EXOC4: variants seen among roughly 807,000 people sequenced by gnomAD.
EXOC4 encodes the protein SEC8-like 1.
A neutral mutation model predicts 107.2 loss-of-function variants in EXOC4; 71 were observed. That is an observed-to-expected ratio of 0.66 (90% CI 0.55 to 0.81). The LOEUF is 0.81. EXOC4 is among the 30% of genes least tolerant of loss of function. The pLI, the probability that EXOC4 is intolerant of heterozygous loss-of-function variation, is 0.00. For synonymous variants in EXOC4, 456 were observed against 441.2 expected, an observed-to-expected ratio of 1.03 and a Z score of -0.42; for missense variants, 1,108 against 1,189.6, an observed-to-expected ratio of 0.93 and a Z score of 1.01.
At chr7:133,551,030 G>C (rs1800577882) in intron 9 of EXOC4, among the ~76,000 whole-genome samples, 1 of 151,992 alleles carries the variant, frequency 6.6e-6, no homozygotes, top group Non-Finnish European at 1.5e-5. Context: ...CCACCTTCCT[G>C]ACAGCCTGTC....
chr7:133,509,289 G>A (rs1261500172), intron 9 of EXOC4, among the ~76,000 whole-genome samples: 3 of 151,996 alleles, frequency 2.0e-5, no homozygotes, highest in African/African-American at 7.2e-5. Context: ...TTAGCCGGGC[G>A]TGGTGGCGGG....
intron 13 of EXOC4, 88 bp from the exon 14 acceptor site, chr7:133,937,803 C>A: frequency 7.8e-7 from 1 of 1,281,430 alleles, no homozygotes; most frequent in Non-Finnish European, 1.1e-6. Context: ...CATGTCAGTC[C>A]TTGTGCTAGG....
intron 14 of EXOC4, among the ~76,000 whole-genome samples, chr7:133,961,889 G>C (rs1800953549): frequency 6.6e-6 from 1 of 152,196 alleles, no homozygotes; most frequent in South Asian, 2.1e-4. Flanking sequence ...AGCAGGCTGT[G>C]GTCTATGCAC....
intron 9 of EXOC4, among the ~76,000 whole-genome samples, chr7:133,546,778 G>T (rs1251436108): frequency 6.6e-6 from 1 of 151,898 alleles, no homozygotes; most frequent in African/African-American, 2.4e-5. Context: ...CTCTGCTCTG[G>T]TATAAAACTT....
intron 10 of EXOC4, among the ~76,000 whole-genome samples, chr7:133,705,465 A>C (rs952277310): frequency 6.6e-6 from 1 of 152,232 alleles, no homozygotes; most frequent in Non-Finnish European, 1.5e-5. Flanking sequence ...TAGAAACTAT[A>C]GTTACTAAAC....
At chr7:133,769,724 C>T (rs571233671) in intron 10 of EXOC4, among the ~76,000 whole-genome samples, 10 of 151,970 alleles carry the variant, frequency 6.6e-5, no homozygotes, top group Non-Finnish European at 1.5e-4. Context: ...CAAAGCAAAT[C>T]TAAAACAGTT....
intron 9 of EXOC4, among the ~76,000 whole-genome samples, chr7:133,508,741 G>C (rs1799712168): frequency 6.6e-6 from 1 of 152,158 alleles, no homozygotes; most frequent in South Asian, 2.1e-4. Context: ...TAAAACTAGA[G>C]ATGGGAAAGT....
chr7:133,261,372 T>A (rs2150506282), intron 1 of EXOC4, among the ~76,000 whole-genome samples: 1 of 151,996 alleles, frequency 6.6e-6, no homozygotes, highest in South Asian at 2.1e-4. Context: ...GCTCAGGTGA[T>A]CCTCCCCACT....
At chr7:133,492,949 TGGGGACTAGTTAGA>T (rs1799401646) in intron 9 of EXOC4, among the ~76,000 whole-genome samples, 1 of 106,230 alleles carries the variant, frequency 9.4e-6, no homozygotes, top group South Asian at 3.9e-4. Flanking sequence ...CAGCAGAGTC[TGGGGACTAGTTAGA>T]GGTTCGGAGT....
At chr7:133,725,287 G>A (rs572123465) in intron 10 of EXOC4, among the ~76,000 whole-genome samples, 34 of 152,296 alleles carry the variant, frequency 2.2e-4, no homozygotes, top group African/African-American at 8.2e-4. Context: ...GCAGGGAGAA[G>A]CCTTAGGAAT....
chr7:133,435,551 C>T (rs978748127), intron 7 of EXOC4, among the ~76,000 whole-genome samples: 4 of 152,162 alleles, frequency 2.6e-5, no homozygotes, highest in Non-Finnish European at 5.9e-5. Context: ...AACATAAGGA[C>T]ATTTTGCCCC....
intron 17 of EXOC4, among the ~76,000 whole-genome samples, chr7:134,034,250 G>A (rs1795336888): frequency 6.6e-6 from 1 of 152,078 alleles, no homozygotes; most frequent in South Asian, 2.1e-4. Context: ...AACCTAAGAT[G>A]TGAAAAACTC....
intron 12 of EXOC4, among the ~76,000 whole-genome samples, chr7:133,915,643 G>A (rs984966213): frequency 6.6e-6 from 1 of 152,184 alleles, no homozygotes; most frequent in Admixed American, 6.5e-5. Context: ...TCTCTTATCT[G>A]AGGTGGTACC....
intron 17 of EXOC4, among the ~76,000 whole-genome samples, chr7:134,038,859 A>G (rs1299409780): frequency 6.6e-6 from 1 of 152,186 alleles, no homozygotes; most frequent in Non-Finnish European, 1.5e-5. Flanking sequence ...GACTAGGTCT[A>G]GGTCAGGATG....
chr7:133,375,989 T>C (rs948948520), intron 7 of EXOC4, among the ~76,000 whole-genome samples: 1 of 152,210 alleles, frequency 6.6e-6, no homozygotes, highest in Non-Finnish European at 1.5e-5. Context: ...TCTGCTAATA[T>C]GAAAAAAATT....
intron 5 of EXOC4, among the ~76,000 whole-genome samples, chr7:133,331,555 C>T (rs1200551565): frequency 6.9e-6 from 1 of 145,742 alleles, no homozygotes; most frequent in Non-Finnish European, 1.5e-5. Context: ...GGCTCCGCCC[C>T]CTGGGGTTCA....
At chr7:133,780,885 G>A (rs1451711004) in intron 10 of EXOC4, among the ~76,000 whole-genome samples, 11 of 152,200 alleles carry the variant, frequency 7.2e-5, no homozygotes, top group African/African-American at 2.7e-4. Flanking sequence ...GAAGAACTGT[G>A]AATTTTTATC....
intron 10 of EXOC4, among the ~76,000 whole-genome samples, chr7:133,813,429 T>G (rs1797284754): frequency 6.6e-6 from 1 of 152,198 alleles, no homozygotes; most frequent in Non-Finnish European, 1.5e-5. Flanking sequence ...TTAATTCTCA[T>G]AATATTAAAA....
In EXOC4 at chr7:133,460,583, A is replaced by AT. The variant is rs970078543; in HGVS notation, c.1183-14736dup. Among the ~76,000 whole-genome samples the AT allele has an allele frequency of 9.9e-5, 15 of 151,692 alleles. No homozygotes were observed. The East Asian group carries it at 2.5e-3, about 25-fold the overall frequency. ...TCAAATACCTATTGTAGATGTGGAA[A>AT]TTTTTTTTTGGCAACAAAACTGATA... On this transcript the variant is annotated intron_variant, in intron 7 of 17. Coordinates refer to ENST00000253861, the MANE Select transcript of EXOC4 (RefSeq NM_021807.4).
Sources: gnomAD v4.1 joint callset for allele counts (sites outside exome capture counted in the v4.1 genomes callset) on GRCh38, gnomAD v4.1.1 for gene constraint, MANE v1.5 for transcripts, NCBI Gene and HGNC (gene_info 2026-07-23, HGNC 2026-07-21) for gene names.